The following MEGF9 variants were observed in gnomAD, a reference collection of about 807,000 sequenced individuals.
MEGF9 encodes the protein multiple epidermal growth factor-like domains protein 9.
MEGF9 carries 6 observed loss-of-function variants against 46.8 expected under a neutral mutation model. That is an observed-to-expected ratio of 0.13 (90% CI 0.07 to 0.25). The LOEUF (loss-of-function observed/expected upper bound fraction) is 0.25. Among genes scored for constraint, MEGF9 ranks in the 10% least tolerant of loss-of-function variants. MEGF9 has a pLI of 1.00. For missense variants in MEGF9, 683 were observed against 792.4 expected (o/e 0.86, Z 1.66); for synonymous variants, 302 against 330.7 (o/e 0.91, Z 0.94).
At chr9:120,641,962 T>G (rs2043605203) in intron 2 of MEGF9, among the ~76,000 whole-genome samples, 1 of 152,138 alleles carries the variant, frequency 6.6e-6, no homozygotes, top group African/African-American at 2.4e-5. Flanking sequence ...GTCCCTAGTT[T>G]CTCAATGCCT....
intron 1 of MEGF9, among the ~76,000 whole-genome samples, chr9:120,707,901 TG>T (rs2132346758): frequency 6.6e-6 from 1 of 152,180 alleles, no homozygotes; most frequent in African/African-American, 2.4e-5. Flanking sequence ...GAAAGTTAGC[TG>T]GGTATGGTTG....
intron 2 of MEGF9, among the ~76,000 whole-genome samples, chr9:120,646,636 T>C (rs1003075076): frequency 1.3e-5 from 2 of 152,196 alleles, no homozygotes; most frequent in African/African-American, 2.4e-5. Flanking sequence ...TAACATTTTA[T>C]CTTTATACTG....
At chr9:120,613,827 A>T (rs902658075) in intron 3 of MEGF9, among the ~76,000 whole-genome samples, 2 of 152,226 alleles carry the variant, frequency 1.3e-5, no homozygotes, top group African/African-American at 4.8e-5. Flanking sequence ...GACATTTTAC[A>T]AAGTAAGCTA....
In MEGF9 at chr9:120,714,260, G is replaced by T; in HGVS notation, c.99C>A (p.Ala33=). The T allele has an allele frequency of 8.5e-7, 1 of 1,183,294 alleles. No individual in the cohort carries two copies. Among genetic ancestry groups the T allele is most frequent in the South Asian group, 3.6e-5 (1 of 27,494 alleles). The allele number at this position is 1,183,294 out of a possible 1,614,324, so 73.3% of individuals were successfully genotyped here. A position where few individuals can be genotyped will look rare whatever the true frequency, so the allele number is the denominator to read the frequency against. ...TGACATTCCCCGCCGAGGCGGCTGA[G>T]GCGACGGCGGCGGCGGCGGCGGCGG... ...CAAAAAAAAV[A]SAASAGNVTG... is the part of the protein sequence containing the mutation. The change falls in exon 1 of 6, where the codon GCC becomes GCA. Residue 33 remains alanine (A), a synonymous_variant. Transcript: ENST00000373930.
intron 2 of MEGF9, among the ~76,000 whole-genome samples, chr9:120,654,072 A>G (rs2043665558): frequency 6.6e-6 from 1 of 152,202 alleles, no homozygotes; most frequent in Non-Finnish European, 1.5e-5. Flanking sequence ...GCAGCAATGA[A>G]GAGTAAGAGA....
At chr9:120,689,255 G>A (rs2043837742) in intron 1 of MEGF9, among the ~76,000 whole-genome samples, 1 of 152,174 alleles carries the variant, frequency 6.6e-6, no homozygotes, top group Non-Finnish European at 1.5e-5. Flanking sequence ...AAGGGTAGAG[G>A]AGAGGAGTAT....
rs1048762668 is a variant in MEGF9, at chr9:120,615,281, GTGTGTGCA to G, written c.944-2750_944-2743del. On this transcript the variant is annotated intron_variant, in intron 3 of 5. Coordinates refer to ENST00000373930, the MANE Select transcript of MEGF9 (RefSeq NM_001080497.3). Reference sequence around the variant, plus strand: ...AATAAATACATATATGTAAGCGTGTGTGTGTGCATGTGTGTGTACACACACACACACAT... The same window carrying G: ...AATAAATACATATATGTAAGCGTGTGTGTGTGTGTACACACACACACACAT... Among the ~76,000 whole-genome samples the G allele has an allele frequency of 1.6e-3, 232 of 146,006 alleles. 1 individual carries two copies. The highest frequency in any genetic ancestry group is 5.8e-3 in the African/African-American group (226 of 39,006).
At chr9:120,679,160 A>G (rs1355480241) in intron 1 of MEGF9, among the ~76,000 whole-genome samples, 1 of 152,224 alleles carries the variant, frequency 6.6e-6, no homozygotes, top group African/African-American at 2.4e-5. Flanking sequence ...ATGCTGCTAT[A>G]AAGACACATG....
At chr9:120,623,047 A>G (rs2043506955) in intron 2 of MEGF9, among the ~76,000 whole-genome samples, 1 of 152,200 alleles carries the variant, frequency 6.6e-6, no homozygotes, top group African/African-American at 2.4e-5. Flanking sequence ...TCATTTATTG[A>G]GGGCTTATGT....
chr9:120,710,424 TAAAAA>T (rs61674473), intron 1 of MEGF9, among the ~76,000 whole-genome samples: 2 of 100,006 alleles, frequency 2.0e-5, no homozygotes, highest in Non-Finnish European at 3.8e-5. Flanking sequence ...AACTCCGTCT[TAAAAA>T]AAAAAAAAAA....
intron 2 of MEGF9, among the ~76,000 whole-genome samples, chr9:120,636,784 G>A (rs1310584822): frequency 2.6e-5 from 4 of 150,990 alleles, no homozygotes; most frequent in East Asian, 2.0e-4. Flanking sequence ...TGAGGAGCCC[G>A]TCCGCCCGGC....
intron 2 of MEGF9, among the ~76,000 whole-genome samples, chr9:120,626,323 C>T (rs1419646572): frequency 6.6e-6 from 1 of 152,228 alleles, no homozygotes; most frequent in Non-Finnish European, 1.5e-5. Flanking sequence ...TGTAACTATG[C>T]ATATACTACA....
intron 1 of MEGF9, among the ~76,000 whole-genome samples, chr9:120,706,242 A>G (rs957602944): frequency 2.0e-5 from 3 of 152,144 alleles, no homozygotes; most frequent in Admixed American, 2.0e-4. Flanking sequence ...AGATAAAAAG[A>G]CCTAGATTAT....
At position 120,635,683 on chromosome 9, in the gene MEGF9, TTCTA is replaced by T. The variant is rs2043571121; in HGVS notation, c.804-12932_804-12929del. Among the ~76,000 whole-genome samples the T allele has an allele frequency of 2.0e-5, 3 of 152,206 alleles. No homozygotes were observed. In the South Asian group the frequency reaches 6.2e-4, roughly 31 times the overall value. On this transcript the variant is annotated intron_variant, in intron 2 of 5. Transcript: ENST00000373930. ...TCTGGTTGGTTCTTTTTTTTATGAT[TTCTA>T]TCTCTGTTGAATTTGTCATTCACAT...
intron 2 of MEGF9, among the ~76,000 whole-genome samples, chr9:120,627,520 T>C (rs559539319): frequency 1.3e-5 from 2 of 152,316 alleles, no homozygotes; most frequent in African/African-American, 2.4e-5. Flanking sequence ...AGTGGTGCAG[T>C]GGCACAATCT....
intron 1 of MEGF9, among the ~76,000 whole-genome samples, chr9:120,704,335 A>C (rs888342830): frequency 1.5e-5 from 2 of 136,296 alleles, no homozygotes; most frequent in Non-Finnish European, 1.6e-5. Context: ...CTGTGTCTCA[A>C]AAAAAAAAAA....
chr9:120,714,291 C>T lies in MEGF9; in HGVS notation c.68G>A (p.Cys23Tyr), dbSNP rs1341865891. ...PSLGGLALLCCAAAAAAAAVA... is the reference protein window; with the variant it reads ...PSLGGLALLCYAAAAAAAAVA... Reference sequence around the variant, plus strand: ...GGCGGCGGCGGCGGCGGCGGCGGCGCAGCACAACAGGGCGAGGCCGCCCAG... The same window carrying T: ...GGCGGCGGCGGCGGCGGCGGCGGCGTAGCACAACAGGGCGAGGCCGCCCAG... The change falls in exon 1 of 6, where the codon TGC (cysteine) becomes TAC (tyrosine). Residue 23 changes from cysteine to tyrosine, a missense_variant. Coordinates refer to ENST00000373930, the MANE Select transcript of MEGF9 (RefSeq NM_001080497.3). 2.3e-6 allele frequency: 3 copies of T among 1,279,886 alleles called. No homozygotes were observed. Among genetic ancestry groups the T allele is most frequent in the Non-Finnish European group, 2.0e-6 (2 of 1,015,616 alleles). 79.3% of individuals were successfully genotyped at this position (1,279,886 alleles called of 1,614,324 possible).
chr9:120,711,844 T>TACACAC lies in MEGF9; in HGVS notation c.601+1908_601+1913dup, dbSNP rs924373123. Among the ~76,000 whole-genome samples the TACACAC allele has an allele frequency of 3.9e-3, 556 of 143,566 alleles. 3 individuals are homozygous for TACACAC. Among genetic ancestry groups the TACACAC allele is most frequent in the Non-Finnish European group, 6.1e-3 (397 of 65,118 alleles). The allele number at this position is 143,566 out of a possible 152,430, so 94.2% of individuals were successfully genotyped here. The stretch of plus-strand genomic sequence containing the variant: ...CAAATGCTTTCTATACATACATACA[T>TACACAC]ACACACACACACACACACACACACA... On this transcript the variant is annotated intron_variant, in intron 1 of 5. Coordinates refer to ENST00000373930, the MANE Select transcript of MEGF9 (RefSeq NM_001080497.3).
chr9:120,628,465 G>GTCGTTTTTTTTTTTTTT (rs1306331353), intron 2 of MEGF9, among the ~76,000 whole-genome samples: 1 of 52,756 alleles, frequency 1.9e-5, no homozygotes, highest in Non-Finnish European at 4.0e-5. Context: ...AATTCTTGTC[G>GTCGTTTTTTTTTTTTTT]TTGTTTTTTT....
Sources: allele counts gnomAD v4.1 joint callset (sites outside exome capture counted in the v4.1 genomes callset), GRCh38; gene constraint gnomAD v4.1.1; transcripts MANE v1.5; gene names NCBI Gene and HGNC (gene_info 2026-07-23, HGNC 2026-07-21).